The following KLK14 variants were observed in gnomAD, a reference collection of about 807,000 sequenced individuals.
The protein encoded by KLK14 is kallikrein related peptidase 14.
Under a neutral mutation model 24.6 loss-of-function variants are expected in KLK14, and 21 were observed. The observed-to-expected ratio is 0.85, with a 90% CI of 0.61 to 1.23. The LOEUF (loss-of-function observed/expected upper bound fraction) is 1.23. Ranked by LOEUF, KLK14 falls within the 50% of genes most tolerant of loss-of-function variation. KLK14 has a pLI of 0.00. For synonymous variants in KLK14, 133 were observed against 139.7 expected (o/e 0.95, Z 0.34); for missense variants, 320 against 338.9 (o/e 0.94, Z 0.44).
In KLK14 at chr19:51,081,714, A is replaced by C. The variant is rs1487338607; in HGVS notation, c.41-11T>G. The C allele has an allele frequency of 3.3e-6, 5 of 1,521,554 alleles. No homozygotes were observed. The highest frequency in any genetic ancestry group is 4.4e-6 in the Non-Finnish European group (5 of 1,127,720). 94.3% of individuals were successfully genotyped at this position (1,521,554 alleles called of 1,614,324 possible). ...GGCTCTGTGTCATGGCTAGGAGTGG[A>C]CAGGATTGGGTGGGGAAAGTAGATG... is the stretch of plus-strand genomic sequence containing the variant. On this transcript the variant is annotated splice_polypyrimidine_tract_variant and intron_variant, in intron 2 of 5. Transcript: ENST00000650543.
rs766569057 is a variant in KLK14, at chr19:51,078,779, A to G, written c.603+36T>C. On this transcript the variant is annotated intron_variant, in intron 5 of 5. Coordinates refer to ENST00000650543, the MANE Select transcript of KLK14 (RefSeq NM_001369775.2). The surrounding 1 kb of genome is among the most constrained non-coding windows in gnomAD (Gnocchi z 5.0). ...ATCATTTGCTTAAATCCCAGTCCCA[A>G]ATAATCCCTACCACAGCTCCCATCC... 1.2e-5 allele frequency: 19 copies of G among 1,607,506 alleles called. No individual in the cohort carries two copies. The African/African-American group carries it at 2.4e-4, about 20-fold the overall frequency.
Position 51,077,979 on chromosome 19 carries a change from G to A in KLK14, c.*28C>T. 6.2e-7 allele frequency: 1 copy of A among 1,611,070 alleles called. No individual in the cohort carries two copies. Among genetic ancestry groups the A allele is most frequent in the Non-Finnish European group, 8.5e-7 (1 of 1,178,314 alleles). On this transcript the variant is annotated 3_prime_UTR_variant, in exon 6 of 6. Coordinates refer to ENST00000650543, the MANE Select transcript of KLK14 (RefSeq NM_001369775.2). ...TAGAGAGAGGAGGGCCTGGGCAGCTGACGAGGTCCATCCCACCGTGAAGAC... is the reference window on the plus strand; with the variant it reads ...TAGAGAGAGGAGGGCCTGGGCAGCTAACGAGGTCCATCCCACCGTGAAGAC...
rs1325103877 is a variant in KLK14, at chr19:51,082,485, A to C, written c.40+90T>G. 6 of 1,196,968 alleles carry C rather than the reference A, an allele frequency of 5.0e-6. No homozygotes were observed. In the East Asian group the frequency reaches 1.4e-4, roughly 28 times the overall value. 74.1% of individuals were successfully genotyped at this position (1,196,968 alleles called of 1,614,324 possible). On this transcript the variant is annotated intron_variant, in intron 2 of 5. Coordinates refer to ENST00000650543, the MANE Select transcript of KLK14 (RefSeq NM_001369775.2). ...CCCTGCTCTTTCTTATGAGGTCACC[A>C]TGAGCATCCAGGGGCCCCAAGGACC...
intron 2 of KLK14, 23 bp from the exon 3 acceptor site, chr19:51,081,726 G>T: frequency 6.7e-7 from 1 of 1,489,090 alleles, no homozygotes; most frequent in East Asian, 2.6e-5. Context: ...AGGATTGGGT[G>T]GGGAAAGTAG....
Position 51,082,646 on chromosome 19 carries a change from G to T in KLK14, c.-22-10C>A, listed in dbSNP as rs539750023. The T allele has an allele frequency of 1.2e-6, 2 of 1,614,128 alleles. No individual in the cohort carries two copies. The highest frequency in any genetic ancestry group is 4.5e-5 in the East Asian group (2 of 44,884). On this transcript the variant is annotated splice_polypyrimidine_tract_variant and intron_variant, in intron 1 of 5. Transcript: ENST00000650543. Reference sequence around the variant, plus strand: ...GGCTGAGGGCCAGGTCCTGTCAAATGCAGAGAAAAAGTGAGAGAGAAGGAA... The same window carrying T: ...GGCTGAGGGCCAGGTCCTGTCAAATTCAGAGAAAAAGTGAGAGAGAAGGAA...
chr19:51,078,872 G>A lies in KLK14; in HGVS notation c.546C>T (p.Thr182=). 1 of 1,614,062 alleles carries A rather than the reference G, an allele frequency of 6.2e-7. No homozygotes were observed. Residue 182 remains threonine (T), a synonymous_variant, in exon 5 of 6, where the codon ACC becomes ACT. Coordinates refer to ENST00000650543, the MANE Select transcript of KLK14 (RefSeq NM_001369775.2). This position sits in a 1 kb window ranked among gnomAD's most constrained non-coding sequence, Gnocchi z 5.0. The part of the protein sequence containing the change: ...DEVCQKAYPR[T]ITPGMVCAGV... ...CTGCACAGACCATGCCAGGCGTGAT[G>A]GTTCTAGGATAGGCCTTCTGGCACA...
Position 51,078,796 on chromosome 19 carries a change from C to A in KLK14, c.603+19G>T, listed in dbSNP as rs1403554052. On this transcript the variant is annotated intron_variant, in intron 5 of 5. Coordinates refer to ENST00000650543, the MANE Select transcript of KLK14 (RefSeq NM_001369775.2). This position sits in a 1 kb window ranked among gnomAD's most constrained non-coding sequence, Gnocchi z 5.0. ...CAGTCCCAAATAATCCCTACCACAG[C>A]TCCCATCCTGGGCCTTACCTGACAA... 1 of 1,611,814 alleles carries A rather than the reference C, an allele frequency of 6.2e-7. No homozygotes were observed. Among genetic ancestry groups the A allele is most frequent in the Non-Finnish European group, 8.5e-7 (1 of 1,178,914 alleles).
intron 3 of KLK14, among the ~76,000 whole-genome samples, chr19:51,079,946 G>C (rs906347337): frequency 6.6e-6 from 1 of 152,088 alleles, no homozygotes; most frequent in Non-Finnish European, 1.5e-5. Flanking sequence ...GGCTTGGGAA[G>C]AAGGTGATGA....
rs561910129 is a variant in KLK14, at chr19:51,078,332, T to C, written c.604-173A>G. Among the ~76,000 whole-genome samples, 178 of 152,192 alleles carry C rather than the reference T, an allele frequency of 1.2e-3. No individual in the cohort carries two copies. Among genetic ancestry groups the C allele is most frequent in the African/African-American group, 3.7e-3 (153 of 41,512 alleles). On this transcript the variant is annotated intron_variant, in intron 5 of 5. Coordinates refer to ENST00000650543, the MANE Select transcript of KLK14 (RefSeq NM_001369775.2). This position sits in a 1 kb window ranked among gnomAD's most constrained non-coding sequence, Gnocchi z 5.0. Reference sequence around the variant, plus strand: ...CAGCCCCGGAGGTCGGGGCACTTCCTTCCCTCTCCGCTGGGTCTGGCTCTG... The same window carrying C: ...CAGCCCCGGAGGTCGGGGCACTTCCCTCCCTCTCCGCTGGGTCTGGCTCTG...
chr19:51,077,984 G>A lies in KLK14; in HGVS notation c.*23C>T, dbSNP rs1208849733. 6.8e-6 allele frequency: 11 copies of A among 1,612,268 alleles called. No homozygotes were observed. The highest frequency in any genetic ancestry group is 9.3e-6 in the Non-Finnish European group (11 of 1,178,954). On this transcript the variant is annotated 3_prime_UTR_variant, in exon 6 of 6. Transcript: ENST00000650543. ...AGAGGAGGGCCTGGGCAGCTGACGAGGTCCATCCCACCGTGAAGACCATCA... is the reference window on the plus strand; with the variant it reads ...AGAGGAGGGCCTGGGCAGCTGACGAAGTCCATCCCACCGTGAAGACCATCA...
chr19:51,081,926 A>G (rs922980279), intron 2 of KLK14, among the ~76,000 whole-genome samples: 3 of 152,134 alleles, frequency 2.0e-5, no homozygotes, highest in Middle Eastern at 3.4e-3. Flanking sequence ...CCTCCGTAGC[A>G]TCTCTTATTT....
At chr19:51,079,794 T>C (rs2091828461) in intron 3 of KLK14, 92 bp from the exon 4 acceptor site, 15 of 1,474,020 alleles carry the variant, frequency 1.0e-5, no homozygotes, top group Non-Finnish European at 1.3e-5. Context: ...GGGTGACGAG[T>C]CTTCCCCGAG....
At chr19:51,083,179 G>A (rs570002830), upstream of KLK14, among the ~76,000 whole-genome samples, 1 of 151,790 alleles carries the variant, frequency 6.6e-6, no homozygotes, top group Non-Finnish European at 1.5e-5. Flanking sequence ...ATCTAGTGGT[G>A]GAGTCAGGAA....
At chr19:51,081,445 A>T in intron 3 of KLK14, 87 bp downstream of exon 3, 3 of 1,281,394 alleles carry the variant, frequency 2.3e-6, no homozygotes, top group South Asian at 1.9e-5. Flanking sequence ...ATTGGGTTCT[A>T]TACAGAGATC....
At chr19:51,079,272 T>C (rs1185652236) in intron 4 of KLK14, among the ~76,000 whole-genome samples, 177 bp downstream of exon 4, 3 of 102,760 alleles carry the variant, frequency 2.9e-5, no homozygotes, top group Non-Finnish European at 5.9e-5. Context: ...CAGGCCCAGC[T>C]CCTCCTCCTT....
rs1038286716 is a variant in KLK14 at position 51,078,708 on chromosome 19, G to A, written c.603+107C>T. 34 of 1,421,926 alleles carry A rather than the reference G, an allele frequency of 2.4e-5. No homozygotes were observed. Among genetic ancestry groups the A allele is most frequent in the Admixed American group, 2.0e-4 (10 of 49,518 alleles). The allele number at this position is 1,421,926 out of a possible 1,614,324, so 88.1% of individuals were successfully genotyped here. Reference sequence around the variant, plus strand: ...GCTATCGGAATCTCTCTGTGCCTGCGGTTCACTCTCTTCTGAAGACCTCTG... The same window carrying A: ...GCTATCGGAATCTCTCTGTGCCTGCAGTTCACTCTCTTCTGAAGACCTCTG... On this transcript the variant is annotated intron_variant, in intron 5 of 5. Coordinates refer to ENST00000650543, the MANE Select transcript of KLK14 (RefSeq NM_001369775.2). This position sits in a 1 kb window ranked among gnomAD's most constrained non-coding sequence, Gnocchi z 5.0.
chr19:51,079,035 C>A, intron 4 of KLK14, 84 bp from the exon 5 acceptor site: 1 of 1,520,222 alleles, frequency 6.6e-7, no homozygotes, highest in Non-Finnish European at 8.9e-7. Flanking sequence ...CTCCTTCCGA[C>A]CCAGGAGTCC....
Position 51,078,957 on chromosome 19 carries a change from G to A in KLK14, c.467-6C>T, listed in dbSNP as rs192766311. The A allele has an allele frequency of 8.7e-6, 14 of 1,613,212 alleles. No individual in the cohort carries two copies. The South Asian group carries it at 1.4e-4, about 16-fold the overall frequency. ...CAGAGAGGCGGGGTACCTGGCTGGGGGACACTGCAGGGTTATAACTGGGTC... is the reference window on the plus strand; with the variant it reads ...CAGAGAGGCGGGGTACCTGGCTGGGAGACACTGCAGGGTTATAACTGGGTC... On this transcript the variant is annotated splice_polypyrimidine_tract_variant and splice_region_variant and intron_variant, in intron 4 of 5. Transcript: ENST00000650543. The surrounding 1 kb of genome is among the most constrained non-coding windows in gnomAD (Gnocchi z 5.0).
rs746392344 is a variant in KLK14, at chr19:51,079,585, G to A, written c.330C>T (p.Asn110=). The change falls in exon 4 of 6, where the codon AAC becomes AAT. Residue 110 remains asparagine, a synonymous_variant. Transcript: ENST00000650543. ...HPNYNSRTHD[N]DLMLLQLQQP... ...GCTGTAGCTGCAGCAGCATGAGGTC[G>A]TTGTCGTGGGTCCGGGAGTTGTAGT... 41 of 1,613,818 alleles carry A rather than the reference G, an allele frequency of 2.5e-5. No homozygotes were observed. Among genetic ancestry groups the A allele is most frequent in the African/African-American group, 4.0e-5 (3 of 74,922 alleles).
Sources: allele counts gnomAD v4.1 joint callset (sites outside exome capture counted in the v4.1 genomes callset), GRCh38; gene constraint gnomAD v4.1.1; non-coding constraint Gnocchi (gnomAD v3.1); transcripts MANE v1.5; gene names NCBI Gene and HGNC (gene_info 2026-07-23, HGNC 2026-07-21).